The following THEMIS variants were observed in gnomAD, a reference collection of about 807,000 sequenced individuals.
THEMIS encodes the protein thymocyte selection associated.
THEMIS carries 37 observed loss-of-function variants against 52.6 expected under a neutral mutation model. The observed-to-expected ratio is 0.70, with a 90% CI of 0.54 to 0.93. The LOEUF (loss-of-function observed/expected upper bound fraction) is 0.93, where lower values mean the gene tolerates loss of function less well. Among genes scored for constraint, THEMIS ranks in the 40% least tolerant of loss-of-function variants. The pLI is 0.00. For missense variants in THEMIS, 808 were observed against 763.1 expected (o/e 1.06, Z -0.69); for synonymous variants, 292 against 272.7 (o/e 1.07, Z -0.70).
At chr6:127,900,791 G>T in intron 1 of THEMIS, 51 bp downstream of exon 1, 5 of 1,523,682 alleles carry the variant, frequency 3.3e-6, no homozygotes, top group Non-Finnish European at 4.5e-6. Context: ...TTTCAAAAAT[G>T]TATACTTTAC....
chr6:127,855,012 G>T lies in THEMIS; in HGVS notation c.250+18C>A. ...CAATATAGTTGTACAAATGATAAGT[G>T]GTTGCAATGTGCTGTACCTGGAAAA... On this transcript the variant is annotated intron_variant, in intron 2 of 5. Transcript: ENST00000368248. The T allele has an allele frequency of 6.3e-7, 1 of 1,576,908 alleles. No individual in the cohort carries two copies.
intron 5 of THEMIS, among the ~76,000 whole-genome samples, chr6:127,710,746 G>A (rs80003595): frequency 0.047 from 7,191 of 151,948 alleles, 180 homozygotes; most frequent in East Asian, 0.092. Context: ...CGATGGATGG[G>A]TAATTAAAAG....
intron 4 of THEMIS, among the ~76,000 whole-genome samples, chr6:127,785,252 C>CT (rs1554223980): frequency 0.47 from 64,596 of 137,440 alleles, 15,783 homozygotes; most frequent in Non-Finnish European, 0.56. Context: ...ATCTATCTAT[C>CT]ATCTATCTAT....
chr6:127,812,852 C>T, intron 4 of THEMIS, 31 bp downstream of exon 4: 1 of 1,534,812 alleles, frequency 6.5e-7, no homozygotes, highest in Non-Finnish European at 8.8e-7. Flanking sequence ...GAACACACTC[C>T]AGAGAAAACA....
At chr6:127,792,002 A>G (rs1777174293) in intron 4 of THEMIS, among the ~76,000 whole-genome samples, 1 of 152,152 alleles carries the variant, frequency 6.6e-6, no homozygotes, top group South Asian at 2.1e-4. Flanking sequence ...GCCTGAGTCC[A>G]CAGCTGGCTG....
intron 1 of THEMIS, among the ~76,000 whole-genome samples, chr6:127,869,883 AC>A (rs1323143761): frequency 6.6e-6 from 1 of 152,154 alleles, no homozygotes; most frequent in African/African-American, 2.4e-5. Context: ...ACAAAGCAAA[AC>A]AAAACACCAT....
At chr6:127,871,624 C>T (rs999994323) in intron 1 of THEMIS, among the ~76,000 whole-genome samples, 11 of 151,982 alleles carry the variant, frequency 7.2e-5, no homozygotes, top group African/African-American at 2.4e-4. Context: ...GATAGCACTA[C>T]AGAACATTCA....
At chr6:127,861,650 G>A (rs1779800205) in intron 1 of THEMIS, among the ~76,000 whole-genome samples, 1 of 151,844 alleles carries the variant, frequency 6.6e-6, no homozygotes, top group South Asian at 2.1e-4. Context: ...GGTCATGGTG[G>A]TGGGTGCCTG....
intron 3 of THEMIS, among the ~76,000 whole-genome samples, chr6:127,822,546 T>A (rs1337056867): frequency 6.6e-6 from 1 of 152,150 alleles, no homozygotes; most frequent in Non-Finnish European, 1.5e-5. Flanking sequence ...AACACTACTT[T>A]GACTTTTACA....
At chr6:127,826,204 A>G (rs1049613731) in intron 3 of THEMIS, among the ~76,000 whole-genome samples, 25 of 152,194 alleles carry the variant, frequency 1.6e-4, no homozygotes, top group Non-Finnish European at 2.4e-4. Context: ...GAATATGAGG[A>G]AAATTTGGCC....
At chr6:127,732,214 T>G (rs1346337871) in intron 4 of THEMIS, among the ~76,000 whole-genome samples, 1 of 151,944 alleles carries the variant, frequency 6.6e-6, no homozygotes, top group Admixed American at 6.6e-5. Flanking sequence ...ATGGCGAAGT[T>G]TTTTGTCACT....
intron 1 of THEMIS, among the ~76,000 whole-genome samples, chr6:127,870,217 T>TGTAA (rs1263830483): frequency 1.3e-5 from 2 of 152,080 alleles, no homozygotes; most frequent in Non-Finnish European, 2.9e-5. Flanking sequence ...AGCCGCATGA[T>TGTAA]GTAAGGGGTG....
intron 4 of THEMIS, among the ~76,000 whole-genome samples, chr6:127,783,927 A>G (rs532410184): frequency 1.3e-5 from 2 of 152,360 alleles, no homozygotes; most frequent in South Asian, 4.1e-4. Flanking sequence ...TTATAAAGGC[A>G]CATGCACACG....
intron 4 of THEMIS, among the ~76,000 whole-genome samples, chr6:127,769,168 C>G (rs544970037): frequency 6.6e-6 from 1 of 152,042 alleles, no homozygotes. Context: ...ATGAAAGATG[C>G]GAAGAAGAAA....
At chr6:127,824,025 G>T (rs1362868980) in intron 3 of THEMIS, among the ~76,000 whole-genome samples, 3 of 152,122 alleles carry the variant, frequency 2.0e-5, no homozygotes, top group African/African-American at 7.2e-5. Flanking sequence ...GACCTCCAAA[G>T]ATAGAATTTG....
chr6:127,743,731 T>C (rs1775286363), intron 4 of THEMIS, among the ~76,000 whole-genome samples: 1 of 152,106 alleles, frequency 6.6e-6, no homozygotes. Flanking sequence ...TTATAAATCT[T>C]ATCCCAAATT....
chr6:127,852,140 G>T (rs903860682), intron 2 of THEMIS, among the ~76,000 whole-genome samples: 1 of 151,474 alleles, frequency 6.6e-6, no homozygotes, highest in African/African-American at 2.4e-5. Flanking sequence ...ATTGCTACTA[G>T]AGTCAAAGAA....
chr6:127,849,167 A>G (rs538894041), intron 2 of THEMIS, among the ~76,000 whole-genome samples: 69 of 152,128 alleles, frequency 4.5e-4, no homozygotes, highest in African/African-American at 1.5e-3. Context: ...TCCCAGCACC[A>G]TTTATTAAAT....
intron 2 of THEMIS, among the ~76,000 whole-genome samples, chr6:127,832,777 C>CTTTTTTT (rs11355741): frequency 0.063 from 3,637 of 57,782 alleles, 973 homozygotes; most frequent in African/African-American, 0.093. Flanking sequence ...ATTGTCAGAT[C>CTTTTTTT]TTTTTTTTTT....
Sources: gnomAD v4.1 joint callset for allele counts (sites outside exome capture counted in the v4.1 genomes callset) on GRCh38, gnomAD v4.1.1 for gene constraint, MANE v1.5 for transcripts, NCBI Gene and HGNC (gene_info 2026-07-23, HGNC 2026-07-21) for gene names.